Variants in TRIM55 observed in about 807,000 individuals in gnomAD.
The protein encoded by TRIM55 is tripartite motif-containing protein 55.
In TRIM55, 50 loss-of-function variants were observed where a neutral mutation model predicts 60.9. That is an observed-to-expected ratio of 0.82 (90% CI 0.65 to 1.04). The LOEUF (loss-of-function observed/expected upper bound fraction) is 1.04. Ranked by LOEUF, TRIM55 falls within the 50% of genes least tolerant of loss-of-function variation. The pLI, the probability that TRIM55 is intolerant of heterozygous loss-of-function variation, is 0.00. For synonymous variants in TRIM55, 237 were observed against 238.1 expected, an observed-to-expected ratio of 1.00 and a Z score of 0.04; for missense variants, 681 against 666.9, an observed-to-expected ratio of 1.02 and a Z score of -0.23.
intron 9 of TRIM55, among the ~76,000 whole-genome samples, chr8:66,169,302 A>G (rs953018404): frequency 2.2e-4 from 33 of 152,166 alleles, no homozygotes; most frequent in African/African-American, 8.0e-4. Flanking sequence ...CATATCCACC[A>G]ATCTGCACCC....
At chr8:66,164,808 C>T (rs1811231655) in intron 9 of TRIM55, among the ~76,000 whole-genome samples, 1 of 152,040 alleles carries the variant, frequency 6.6e-6, no homozygotes, top group African/African-American at 2.4e-5. Context: ...CCAACCCAGG[C>T]TCTGTGATAG....
chr8:66,138,583 C>T (rs1408890692), intron 4 of TRIM55, among the ~76,000 whole-genome samples: 1 of 152,092 alleles, frequency 6.6e-6, no homozygotes, highest in African/African-American at 2.4e-5. Context: ...TAGAGGTGGG[C>T]TCTCATTCTG....
chr8:66,164,929 G>A (rs1237750400), intron 9 of TRIM55, among the ~76,000 whole-genome samples: 3 of 121,062 alleles, frequency 2.5e-5, no homozygotes, highest in East Asian at 2.6e-4. Context: ...ATGGGAAGGA[G>A]GAAAGAAGGA....
chr8:66,150,123 T>G, intron 5 of TRIM55, 94 bp from the exon 6 acceptor site: 6 of 1,425,598 alleles, frequency 4.2e-6, no homozygotes, highest in East Asian at 4.6e-5. Flanking sequence ...AACTAAGCTA[T>G]GAGATTCTCA....
chr8:66,122,625 G>GC (rs1441675124), upstream of TRIM55, among the ~76,000 whole-genome samples: 1 of 152,056 alleles, frequency 6.6e-6, no homozygotes, highest in Non-Finnish European at 1.5e-5. Flanking sequence ...ATGATTCTAA[G>GC]CCCCCCAACT....
chr8:66,153,908 T>G, intron 8 of TRIM55, 139 bp from the exon 9 acceptor site: 1 of 765,536 alleles, frequency 1.3e-6, no homozygotes, highest in Non-Finnish European at 2.0e-6. Flanking sequence ...GAGGGTGGGA[T>G]GAACTAAAAC....
intron 9 of TRIM55, among the ~76,000 whole-genome samples, chr8:66,170,542 A>G (rs1290503327): frequency 6.6e-6 from 1 of 152,140 alleles, no homozygotes; most frequent in Non-Finnish European, 1.5e-5. Flanking sequence ...CCTCTTGGCT[A>G]TTGTGAATAA....
chr8:66,127,549 G>C, intron 1 of TRIM55, 113 bp downstream of exon 1: 11 of 1,319,966 alleles, frequency 8.3e-6, no homozygotes, highest in Non-Finnish European at 1.2e-5. Context: ...TAAGGTTGCC[G>C]GGCGCTTTGG....
At chr8:66,164,316 A>C (rs1307607345) in intron 9 of TRIM55, among the ~76,000 whole-genome samples, 1 of 152,210 alleles carries the variant, frequency 6.6e-6, no homozygotes, top group Non-Finnish European at 1.5e-5. Context: ...TAAGTGTCTA[A>C]GCTGAACCTC....
intron 2 of TRIM55, among the ~76,000 whole-genome samples, chr8:66,133,362 T>C (rs1460687894): frequency 6.6e-6 from 1 of 151,894 alleles, no homozygotes; most frequent in Non-Finnish European, 1.5e-5. Flanking sequence ...CCACTGCCTC[T>C]GTGCAAGGCA....
chr8:66,147,812 A>AC (rs1312029307), intron 4 of TRIM55, among the ~76,000 whole-genome samples: 1,592 of 131,452 alleles, frequency 0.012, 57 homozygotes, highest in African/African-American at 0.051. Flanking sequence ...AAAAAAAAAA[A>AC]AAAAACCACA....
chr8:66,130,368 A>G (rs1233365981), intron 2 of TRIM55, among the ~76,000 whole-genome samples: 1 of 152,202 alleles, frequency 6.6e-6, no homozygotes. Flanking sequence ...CCTGTGGGAC[A>G]ATTTTACTTG....
intron 4 of TRIM55, among the ~76,000 whole-genome samples, chr8:66,141,294 T>C (rs1563371993): frequency 6.6e-6 from 1 of 152,226 alleles, no homozygotes; most frequent in Non-Finnish European, 1.5e-5. Flanking sequence ...TGTGGGCTGA[T>C]GGTGAATGAA....
At chr8:66,156,798 G>A (rs371434895) in intron 9 of TRIM55, among the ~76,000 whole-genome samples, 19 of 152,122 alleles carry the variant, frequency 1.2e-4, no homozygotes, top group Non-Finnish European at 1.6e-4. Flanking sequence ...GGTCTCTGCC[G>A]TGTCTGGAAC....
At chr8:66,148,711 G>C (rs1338803304) in intron 4 of TRIM55, among the ~76,000 whole-genome samples, 2 of 152,152 alleles carry the variant, frequency 1.3e-5, no homozygotes, top group East Asian at 1.9e-4. Context: ...TAGTTAGGAA[G>C]TTTAAGTGTT....
the TRIM55 span, chr8:66,114,413 C>T: frequency 2.5e-6 from 1 of 407,114 alleles, no homozygotes; most frequent in South Asian, 1.8e-5. Flanking sequence ...AGCAGTTTAT[C>T]CTTCTAGCTT....
At chr8:66,169,463 G>A (rs1811501170) in intron 9 of TRIM55, among the ~76,000 whole-genome samples, 2 of 152,242 alleles carry the variant, frequency 1.3e-5, no homozygotes, top group South Asian at 2.1e-4. Flanking sequence ...TAAAAATCAA[G>A]CCAAATCTCC....
chr8:66,121,290 C>T, the TRIM55 span, among the ~76,000 whole-genome samples: 5 of 152,200 alleles, frequency 3.3e-5, no homozygotes, highest in Admixed American at 3.3e-4. Flanking sequence ...GCTGGTGGGA[C>T]TCAGAAACGA....
chr8:66,138,570 T>C (rs1417250849), intron 4 of TRIM55, among the ~76,000 whole-genome samples: 1 of 152,160 alleles, frequency 6.6e-6, no homozygotes, highest in African/African-American at 2.4e-5. Flanking sequence ...TTTGTATTTT[T>C]AGTAGAGGTG....
Sources: gnomAD v4.1 joint callset for allele counts (sites outside exome capture counted in the v4.1 genomes callset) on GRCh38, gnomAD v4.1.1 for gene constraint, MANE v1.5 for transcripts, NCBI Gene and HGNC (gene_info 2026-07-23, HGNC 2026-07-21) for gene names.